Variants in FBXO34 observed in about 807,000 individuals in gnomAD.
The protein encoded by FBXO34 is F-box only protein 34.
In FBXO34, 12 loss-of-function variants were observed where a neutral mutation model predicts 24.5. That is an observed-to-expected ratio of 0.49 (90% CI 0.31 to 0.79). The LOEUF is 0.79. Ranked by LOEUF, FBXO34 falls within the 30% of genes least tolerant of loss-of-function variation. The pLI is 0.04. For synonymous variants in FBXO34, 320 were observed against 311.9 expected (o/e 1.03, Z -0.27); for missense variants, 823 against 857.7 (o/e 0.96, Z 0.51).
the FBXO34 span, chr14:55,382,188 G>A: frequency 6.2e-6 from 10 of 1,614,062 alleles, no homozygotes; most frequent in Non-Finnish European, 8.5e-6. Context: ...CATCTGCGGG[G>A]TCTCTACAAG....
In FBXO34 at chr14:55,351,574, C is replaced by T. The variant is rs1447985639; in HGVS notation, c.1184C>T (p.Thr395Ile). The T allele has an allele frequency of 1.9e-6, 3 of 1,614,064 alleles. No homozygotes were observed. Among genetic ancestry groups the T allele is most frequent in the African/African-American group, 2.7e-5 (2 of 74,922 alleles). Residue 395 changes from threonine (T) to isoleucine (I), a missense_variant, in exon 2 of 2, where the codon ACT (threonine) becomes ATT (isoleucine). Physicochemically the swap from Thr to Ile is moderately conservative, Grantham distance 89. Transcript: ENST00000313833. ...DSAELEPGSQTAVKNSNRYDV... is the reference protein window; with the variant it reads ...DSAELEPGSQIAVKNSNRYDV... Reference sequence around the variant, plus strand: ...GCAGAGTTAGAGCCGGGTTCGCAAACTGCCGTGAAAAACAGCAACAGATAT... The same window carrying T: ...GCAGAGTTAGAGCCGGGTTCGCAAATTGCCGTGAAAAACAGCAACAGATAT...
the FBXO34 span, among the ~76,000 whole-genome samples, chr14:55,406,795 A>G: frequency 6.6e-6 from 1 of 152,162 alleles, no homozygotes; most frequent in African/African-American, 2.4e-5. Context: ...TAAGCAGACC[A>G]CTGTGACAGT....
chr14:55,384,039 C>A, the FBXO34 span, among the ~76,000 whole-genome samples: 1 of 152,310 alleles, frequency 6.6e-6, no homozygotes, highest in South Asian at 2.1e-4. Context: ...GCTGCTACTG[C>A]CTGCCACAGA....
At chr14:55,391,225 C>T in the FBXO34 span, 1 of 341,928 alleles carries the variant, frequency 2.9e-6, no homozygotes, top group Non-Finnish European at 5.3e-6. Flanking sequence ...CCTGTAATCG[C>T]AGCACTTTGG....
intron 3 of FBXO34, among the ~76,000 whole-genome samples, chr14:55,360,632 GTTTAT>G (rs1014661310): frequency 6.6e-6 from 1 of 152,008 alleles, no homozygotes; most frequent in Non-Finnish European, 1.5e-5. Context: ...TACACGCGAT[GTTTAT>G]TTTAAACAAC....
chr14:55,305,721 G>C (rs1192531061), intron 1 of FBXO34, among the ~76,000 whole-genome samples: 1 of 151,988 alleles, frequency 6.6e-6, no homozygotes. Flanking sequence ...CAGGTGAGGG[G>C]GAAAGTCAGC....
At chr14:55,326,689 A>G (rs986656942) in intron 1 of FBXO34, among the ~76,000 whole-genome samples, 1 of 152,214 alleles carries the variant, frequency 6.6e-6, no homozygotes, top group Non-Finnish European at 1.5e-5. Flanking sequence ...AAATCAAAGT[A>G]TAATTCGTTT....
chr14:55,359,117 C>G (rs1235478879), intron 3 of FBXO34, among the ~76,000 whole-genome samples: 4 of 152,046 alleles, frequency 2.6e-5, no homozygotes, highest in Admixed American at 2.6e-4. Flanking sequence ...AGGGAGTGGA[C>G]CTAGAGGGGC....
chr14:55,439,364 A>C, the FBXO34 span, among the ~76,000 whole-genome samples: 78,867 of 151,458 alleles, frequency 0.52, 20,673 homozygotes, highest in East Asian at 0.65. Flanking sequence ...CTTGACTTCT[A>C]GAGGGAGGCC....
At chr14:55,406,804 G>A in the FBXO34 span, among the ~76,000 whole-genome samples, 1 of 152,132 alleles carries the variant, frequency 6.6e-6, no homozygotes, top group Admixed American at 6.6e-5. Context: ...CACTGTGACA[G>A]TCCTGTTATC....
At chr14:55,294,112 C>T (rs1343561013) in intron 1 of FBXO34, among the ~76,000 whole-genome samples, 4 of 151,964 alleles carry the variant, frequency 2.6e-5, no homozygotes, top group Non-Finnish European at 4.4e-5. Flanking sequence ...ATTATAACTG[C>T]CCCTCTTTGC....
At chr14:55,416,403 G>A in the FBXO34 span, among the ~76,000 whole-genome samples, 1 of 151,862 alleles carries the variant, frequency 6.6e-6, no homozygotes, top group East Asian at 1.9e-4. Flanking sequence ...ACCAGCCCGG[G>A]TAACATAGGG....
chr14:55,293,592 A>G (rs1882019044), intron 1 of FBXO34, among the ~76,000 whole-genome samples: 1 of 151,126 alleles, frequency 6.6e-6, no homozygotes, highest in Admixed American at 6.6e-5. Context: ...GATTTCTGTA[A>G]ATCTCTGCTT....
chr14:55,337,056 A>T (rs954513776), intron 1 of FBXO34, among the ~76,000 whole-genome samples: 2 of 150,056 alleles, frequency 1.3e-5, no homozygotes, highest in Non-Finnish European at 3.0e-5. Flanking sequence ...GCTCACTGCA[A>T]CCTCCACCTC....
chr14:55,430,871 A>T, the FBXO34 span, among the ~76,000 whole-genome samples: 42,592 of 152,122 alleles, frequency 0.28, 7,732 homozygotes, highest in African/African-American at 0.53. Flanking sequence ...AATCTATTAC[A>T]TTTCCCGTAA....
At chr14:55,348,530 G>A (rs1884235097) in intron 1 of FBXO34, among the ~76,000 whole-genome samples, 1 of 152,092 alleles carries the variant, frequency 6.6e-6, no homozygotes, top group East Asian at 1.9e-4. Flanking sequence ...CCATATGGCA[G>A]CCTCTATGGT....
intron 1 of FBXO34, among the ~76,000 whole-genome samples, chr14:55,340,373 G>A (rs941763698): frequency 6.6e-6 from 1 of 151,534 alleles, no homozygotes; most frequent in African/African-American, 2.4e-5. Context: ...TCCCAAATAG[G>A]ACTACAAATA....
rs73279076 is a variant in FBXO34, at chr14:55,359,770, A to G, written c.*589-1963A>G. Among the ~76,000 whole-genome samples the G allele has an allele frequency of 9.4e-3, 1,425 of 152,268 alleles. 32 individuals carry two copies. The highest frequency in any genetic ancestry group is 0.033 in the African/African-American group (1,366 of 41,560). Reference sequence around the variant, plus strand: ...CTCAAACCTCTCTGTTGTCATTTCAATGATGTTTGTAGCATCTTTATCAGG... The same window carrying G: ...CTCAAACCTCTCTGTTGTCATTTCAGTGATGTTTGTAGCATCTTTATCAGG... On this transcript the variant is annotated intron_variant and NMD_transcript_variant, in intron 3 of 3. Transcript: ENST00000555280.
At chr14:55,312,659 G>A (rs761728297) in intron 1 of FBXO34, among the ~76,000 whole-genome samples, 73 of 152,230 alleles carry the variant, frequency 4.8e-4, no homozygotes, top group Non-Finnish European at 8.7e-4. Flanking sequence ...GCACCTGCAG[G>A]CCCAACACCA....
Sources: allele counts gnomAD v4.1 joint callset (sites outside exome capture counted in the v4.1 genomes callset), GRCh38; gene constraint gnomAD v4.1.1; transcripts MANE v1.5; gene names NCBI Gene and HGNC (gene_info 2026-07-23, HGNC 2026-07-21).